PTPRG: variants seen among roughly 807,000 people sequenced by gnomAD.
PTPRG encodes protein tyrosine phosphatase receptor type G, also known as receptor-type tyrosine-protein phosphatase gamma.
PTPRG carries 102 observed loss-of-function variants against 165.3 expected under a neutral mutation model. The ratio of observed to expected loss-of-function variants is 0.62; its 90% CI spans 0.53 to 0.73. The LOEUF (loss-of-function observed/expected upper bound fraction) is 0.73, where lower values mean the gene tolerates loss of function less well. Among genes scored for constraint, PTPRG ranks in the 30% least tolerant of loss-of-function variants. PTPRG has a pLI of 0.00. For synonymous variants in PTPRG, 675 were observed against 669.5 expected (o/e 1.01, Z -0.13); for missense variants, 1,866 against 1,861.4 (o/e 1.00, Z -0.05).
chr3:61,853,028 A>T (rs564373461), intron 2 of PTPRG, among the ~76,000 whole-genome samples: 4 of 152,306 alleles, frequency 2.6e-5, no homozygotes, highest in African/African-American at 9.6e-5. Context: ...ATTTCTTTGT[A>T]ACAGCTGTTG....
chr3:61,887,664 A>G (rs1215668838), intron 2 of PTPRG, among the ~76,000 whole-genome samples: 1 of 152,110 alleles, frequency 6.6e-6, no homozygotes, highest in Non-Finnish European at 1.5e-5. Context: ...TTGTTTTGCA[A>G]ATTCTATGCC....
intron 2 of PTPRG, among the ~76,000 whole-genome samples, chr3:61,894,867 G>A (rs923338210): frequency 2.6e-5 from 4 of 151,874 alleles, no homozygotes; most frequent in South Asian, 4.2e-4. Flanking sequence ...GTATGTTAGC[G>A]ATCCTTTTGT....
chr3:62,264,647 T>C (rs145137911), intron 17 of PTPRG, among the ~76,000 whole-genome samples: 39 of 152,360 alleles, frequency 2.6e-4, no homozygotes, highest in African/African-American at 9.1e-4. Context: ...TATGGCTGAA[T>C]AATACTCTAA....
At position 61,570,146 on chromosome 3, in the gene PTPRG, G is replaced by C. The variant is rs116010736; in HGVS notation, c.85+7774G>C. 7.2e-3 allele frequency among the ~76,000 whole-genome samples: 1,095 copies of C among 152,252 alleles called. 18 individuals carry two copies. Among genetic ancestry groups the C allele is most frequent in the African/African-American group, 0.025 (1,031 of 41,546 alleles). On this transcript the variant is annotated intron_variant, in intron 1 of 29. Transcript: ENST00000474889. ...GGGTGTTTGCTTTTATTTTACACTT[G>C]TGTGACACTTGAACACATTGATGTC... is the stretch of plus-strand genomic sequence containing the variant.
chr3:61,671,794 T>A (rs111431928), intron 1 of PTPRG, among the ~76,000 whole-genome samples: 1 of 63,972 alleles, frequency 1.6e-5, no homozygotes, highest in African/African-American at 6.5e-5. Flanking sequence ...CCCTCCCGGA[T>A]GGGGCGGCTG....
intron 1 of PTPRG, among the ~76,000 whole-genome samples, chr3:61,693,797 G>A (rs567352630): frequency 3.2e-4 from 49 of 152,202 alleles, no homozygotes; most frequent in African/African-American, 1.2e-3. Context: ...CCTGAGCTCA[G>A]GAGTTCGAGA....
At chr3:62,196,232 AAAAAAC>A (rs948259386) in intron 10 of PTPRG, among the ~76,000 whole-genome samples, 7 of 151,844 alleles carry the variant, frequency 4.6e-5, no homozygotes, top group African/African-American at 1.5e-4. Context: ...TCTCTACTAA[AAAAAAC>A]AAAAATTAGC....
chr3:61,659,037 TCCTGCCCCTGCC>T (rs57281372), intron 1 of PTPRG, among the ~76,000 whole-genome samples: 4 of 151,732 alleles, frequency 2.6e-5, no homozygotes, highest in African/African-American at 4.8e-5. Context: ...GGCTGTTTTC[TCCTGCCCCTGCC>T]CCTGCCCCTG....
At chr3:61,701,728 C>A (rs2030971232) in intron 1 of PTPRG, among the ~76,000 whole-genome samples, 1 of 152,040 alleles carries the variant, frequency 6.6e-6, no homozygotes, top group South Asian at 2.1e-4. Flanking sequence ...GAAACCTCAC[C>A]TCTACTAAAA....
chr3:61,639,570 T>C (rs1702008725), intron 1 of PTPRG, among the ~76,000 whole-genome samples: 1 of 142,944 alleles, frequency 7.0e-6, no homozygotes, highest in African/African-American at 2.7e-5. Context: ...TTTGTTTGTG[T>C]CATTTGTGAT....
At chr3:61,671,002 A>G in intron 1 of PTPRG, among the ~76,000 whole-genome samples, 1 of 151,850 alleles carries the variant, frequency 6.6e-6, no homozygotes, top group Non-Finnish European at 1.5e-5. Flanking sequence ...ATATGATTCA[A>G]TTTGAGAACA....
chr3:62,046,546 A>G (rs1700298867), intron 4 of PTPRG, among the ~76,000 whole-genome samples: 1 of 152,206 alleles, frequency 6.6e-6, no homozygotes, highest in Non-Finnish European at 1.5e-5. Flanking sequence ...AAGGGAGCCA[A>G]GCAGCCACCA....
intron 8 of PTPRG, among the ~76,000 whole-genome samples, chr3:62,180,677 G>A (rs894393649): frequency 9.2e-5 from 14 of 152,172 alleles, no homozygotes; most frequent in African/African-American, 3.1e-4. Flanking sequence ...GTGAGGCTGG[G>A]AAGATGCATC....
chr3:62,074,734 A>G (rs1207915697), intron 4 of PTPRG, among the ~76,000 whole-genome samples: 2 of 152,144 alleles, frequency 1.3e-5, no homozygotes, highest in African/African-American at 4.8e-5. Flanking sequence ...TACTAGAAAG[A>G]ACAGACTTTG....
intron 12 of PTPRG, among the ~76,000 whole-genome samples, chr3:62,212,992 A>G (rs1700400919): frequency 6.6e-6 from 1 of 152,066 alleles, no homozygotes; most frequent in Admixed American, 6.6e-5. Context: ...GGTGAGGAGG[A>G]GCTCTGTTAA....
chr3:62,076,969 T>C (rs987662370), intron 4 of PTPRG, among the ~76,000 whole-genome samples: 2 of 152,224 alleles, frequency 1.3e-5, no homozygotes, highest in Non-Finnish European at 2.9e-5. Context: ...TTCTGCTTTT[T>C]GAATAAGAAA....
chr3:62,231,015 T>A (rs2106921232), intron 13 of PTPRG, among the ~76,000 whole-genome samples: 1 of 152,308 alleles, frequency 6.6e-6, no homozygotes, highest in South Asian at 2.1e-4. Context: ...AAGAGTAAAG[T>A]TCCCACTGGG....
At chr3:62,266,044 C>G (rs916871287) in intron 17 of PTPRG, among the ~76,000 whole-genome samples, 2 of 152,094 alleles carry the variant, frequency 1.3e-5, no homozygotes, top group Non-Finnish European at 2.9e-5. Flanking sequence ...GTGTGATGTG[C>G]CCAAAGGTCA....
At chr3:62,178,286 G>A (rs926681920) in intron 8 of PTPRG, among the ~76,000 whole-genome samples, 4 of 152,132 alleles carry the variant, frequency 2.6e-5, no homozygotes, top group African/African-American at 9.7e-5. Context: ...TGGGAGGATG[G>A]AGGGATGCAT....
Sources: allele counts gnomAD v4.1 joint callset (sites outside exome capture counted in the v4.1 genomes callset), GRCh38; gene constraint gnomAD v4.1.1; transcripts MANE v1.5; gene names NCBI Gene and HGNC (gene_info 2026-07-23, HGNC 2026-07-21).